Variants in SF3B3 observed in about 807,000 individuals in gnomAD.
SF3B3 encodes splicing factor 3b subunit 3.
Under a neutral mutation model 139.2 loss-of-function variants are expected in SF3B3, and 33 were observed. The ratio of observed to expected loss-of-function variants is 0.24; its 90% CI spans 0.18 to 0.32. SF3B3 has a LOEUF of 0.32. SF3B3 is among the 10% of genes least tolerant of loss of function. The pLI is 1.00. For missense variants in SF3B3, 818 were observed against 1,509.4 expected, an observed-to-expected ratio of 0.54 and a Z score of 7.59; for synonymous variants, 596 against 563.6, an observed-to-expected ratio of 1.06 and a Z score of -0.81.
chr16:70,556,112 G>GATCCA, intron 13 of SF3B3, 67 bp from the exon 14 acceptor site: 1 of 1,517,210 alleles, frequency 6.6e-7, no homozygotes, highest in Non-Finnish European at 9.1e-7. Context: ...CAGGGTTTTG[G>GATCCA]GGTGAATTGG....
rs746030641 is a variant in SF3B3 at position 70,555,110 on chromosome 16, C to T, written c.1614C>T (p.Thr538=). The T allele has an allele frequency of 6.2e-7, 1 of 1,613,982 alleles. No individual in the cohort carries two copies. Residue 538 remains threonine (T), a synonymous_variant, in exon 13 of 26, where the codon ACC becomes ACT. Coordinates refer to ENST00000302516, the MANE Select transcript of SF3B3 (RefSeq NM_012426.5). ...ACAAGAGAGTCAATGAGTGGAAGAC[C>T]CCTGGAAAGAAAACAATTGTGAAGT... is the stretch of plus-strand genomic sequence containing the variant. ...RADKRVNEWK[T]PGKKTIVKCA...
chr16:70,537,178 A>G (rs2050176882), intron 6 of SF3B3, among the ~76,000 whole-genome samples: 1 of 152,216 alleles, frequency 6.6e-6, no homozygotes, highest in Admixed American at 6.5e-5. Context: ...TATTTCTGAT[A>G]TAATTACTAC....
intron 11 of SF3B3, among the ~76,000 whole-genome samples, chr16:70,552,955 G>T (rs1008708565): frequency 1.3e-5 from 2 of 152,194 alleles, no homozygotes; most frequent in Non-Finnish European, 1.5e-5. Flanking sequence ...CTGTCACCCA[G>T]ATTGGAGTGC....
chr16:70,526,457 C>T (rs1309117934), intron 1 of SF3B3, 130 bp from the exon 2 acceptor site: 5 of 527,892 alleles, frequency 9.5e-6, no homozygotes, highest in African/African-American at 5.9e-5. Flanking sequence ...CCACCACGCC[C>T]GGTCACATAT....
chr16:70,528,898 T>C lies in SF3B3; in HGVS notation c.96T>C (p.Val32=), dbSNP rs768308279. ...GAACCAAACAACAAGAAATTGTTGTTTCCCGTGGGAAGATCTTGGAGCTGC... is the reference window on the plus strand; with the variant it reads ...GAACCAAACAACAAGAAATTGTTGTCTCCCGTGGGAAGATCTTGGAGCTGC... ...FSGTKQQEIV[V]SRGKILELLR... Residue 32 remains valine (V), a synonymous_variant, in exon 3 of 26, where the codon GTT becomes GTC. Transcript: ENST00000302516. 1 of 1,610,204 alleles carries C rather than the reference T, an allele frequency of 6.2e-7. No homozygotes were observed. Among genetic ancestry groups the C allele is most frequent in the South Asian group, 1.1e-5 (1 of 90,920 alleles).
At chr16:70,548,338 C>A in intron 10 of SF3B3, 32 bp from the exon 11 acceptor site, 1 of 1,594,980 alleles carries the variant, frequency 6.3e-7, no homozygotes, top group Non-Finnish European at 8.6e-7. Flanking sequence ...TGCATGCTCA[C>A]TGGATCTGTG....
intron 17 of SF3B3, 87 bp downstream of exon 17, chr16:70,561,871 TG>T (rs1347192772): frequency 2.5e-6 from 3 of 1,195,454 alleles, no homozygotes; most frequent in Non-Finnish European, 3.6e-6. Flanking sequence ...GAGGAGGCTG[TG>T]AAGAGGTGGC....
At position 70,567,543 on chromosome 16, in the gene SF3B3, GT is replaced by G. The variant is rs770673785; in HGVS notation, c.2952+8del. ...CCGAAAATGTGAGAATAAGGTAAGT[GT>G]GCTGGCATTGGTGCTGAGATCTAGC... On this transcript the variant is annotated splice_region_variant and intron_variant, in intron 21 of 25. Coordinates refer to ENST00000302516, the MANE Select transcript of SF3B3 (RefSeq NM_012426.5). 2 of 1,612,540 alleles carry G rather than the reference GT, an allele frequency of 1.2e-6. No homozygotes were observed. The highest frequency in any genetic ancestry group is 2.7e-5 in the African/African-American group (2 of 74,896).
rs151086841 is a variant in SF3B3 at position 70,532,468 on chromosome 16, A to G, written c.571-11A>G. The stretch of plus-strand genomic sequence containing the variant: ...GCTGATGATTAGTTTTTATGCCACT[A>G]TTCTCTGTAGGAAGCAGACAATGAT... On this transcript the variant is annotated splice_polypyrimidine_tract_variant and intron_variant, in intron 4 of 25. Coordinates refer to ENST00000302516, the MANE Select transcript of SF3B3 (RefSeq NM_012426.5). 0.019 allele frequency: 30,676 copies of G among 1,613,038 alleles called. 381 individuals are homozygous for G. Among genetic ancestry groups the G allele is most frequent in the Non-Finnish European group, 0.023 (27,367 of 1,179,422 alleles).
intron 22 of SF3B3, 44 bp from the exon 23 acceptor site, chr16:70,568,999 C>G: frequency 3.6e-6 from 5 of 1,407,578 alleles, no homozygotes; most frequent in Non-Finnish European, 4.9e-6. Flanking sequence ...CTCAGGTGAG[C>G]AGGTCCGGGC....
intron 5 of SF3B3, among the ~76,000 whole-genome samples, chr16:70,533,072 A>G (rs2050136071): frequency 6.6e-6 from 1 of 152,258 alleles, no homozygotes; most frequent in Admixed American, 6.5e-5. Flanking sequence ...TAAGAACTTC[A>G]ATAGACCAGC....
Position 70,565,138 on chromosome 16 carries a change from A to C in SF3B3, c.2537A>C (p.Asn846Thr). The stretch of plus-strand genomic sequence containing the variant: ...ATGGCAGCAGCATTCCTCAATGAAA[A>C]CCTCCCTGAATCCATCTTTGGAGCT... The part of the protein sequence containing the change: ...AEMAAAFLNE[N>T]LPESIFGAPK... The change falls in exon 19 of 26, where the codon AAC becomes ACC. Residue 846 changes from asparagine to threonine, a missense_variant. Coordinates refer to ENST00000302516, the MANE Select transcript of SF3B3 (RefSeq NM_012426.5). 6.2e-7 allele frequency: 1 copy of C among 1,612,792 alleles called. No individual in the cohort carries two copies. Among genetic ancestry groups the C allele is most frequent in the South Asian group, 1.1e-5 (1 of 91,006 alleles).
chr16:70,567,329 A>C lies in SF3B3; in HGVS notation c.2827-82A>C. 7.0e-6 allele frequency: 10 copies of C among 1,438,188 alleles called. No individual in the cohort carries two copies. The South Asian group carries it at 1.3e-4, about 19-fold the overall frequency. 89.1% of individuals were successfully genotyped at this position (1,438,188 alleles called of 1,614,324 possible). A position where few individuals can be genotyped will look rare whatever the true frequency, so the allele number is the denominator to read the frequency against. ...TTTCTTAATGATAGGCTCCTGTGGA[A>C]GTAGGCATTTCTGGGCAGAGAGGTG... On this transcript the variant is annotated intron_variant, in intron 20 of 25. Coordinates refer to ENST00000302516, the MANE Select transcript of SF3B3 (RefSeq NM_012426.5).
intron 21 of SF3B3, 53 bp from the exon 22 acceptor site, chr16:70,568,230 G>T (rs1276288701): frequency 7.1e-7 from 1 of 1,412,478 alleles, no homozygotes; most frequent in Non-Finnish European, 1.0e-6. Flanking sequence ...CTTTCTTTGG[G>T]TTCTGAACCC....
rs957160642 is a variant in SF3B3, at chr16:70,576,681, C to G, written c.*4868C>G. The G allele has an allele frequency of 1.3e-5, 2 of 152,188 alleles. No homozygotes were observed. The highest frequency in any genetic ancestry group is 2.9e-5 in the Non-Finnish European group (2 of 68,048). 9.4% of individuals were successfully genotyped at this position (152,188 alleles called of 1,614,324 possible). Reference sequence around the variant, plus strand: ...ATGATGTAACTGGAGAAAGGCAATGCTGCCCTCATAAAGCAATCAGAAACG... The same window carrying G: ...ATGATGTAACTGGAGAAAGGCAATGGTGCCCTCATAAAGCAATCAGAAACG... On this transcript the variant is annotated 3_prime_UTR_variant, in exon 26 of 26. Coordinates refer to ENST00000302516, the MANE Select transcript of SF3B3 (RefSeq NM_012426.5).
At chr16:70,537,566 A>G (rs1366191823) in intron 6 of SF3B3, among the ~76,000 whole-genome samples, 1 of 152,192 alleles carries the variant, frequency 6.6e-6, no homozygotes, top group Non-Finnish European at 1.5e-5. Flanking sequence ...ATTTAATGTA[A>G]TATGTAGTAC....
In SF3B3 at chr16:70,546,176, G is replaced by A. The variant is rs115465386; in HGVS notation, c.1329+1643G>A. Among the ~76,000 whole-genome samples, 645 of 152,172 alleles carry A rather than the reference G, an allele frequency of 4.2e-3. 4 individuals are homozygous for A. Among genetic ancestry groups the A allele is most frequent in the African/African-American group, 0.015 (619 of 41,490 alleles). On this transcript the variant is annotated intron_variant, in intron 10 of 25. Transcript: ENST00000302516. ...GGTAGAGACAGGGTCTTGCTATTTT[G>A]CCAGGGCTGGTCTTGAACTCCTGGG...
At chr16:70,549,534 G>A (rs2050301420) in intron 11 of SF3B3, among the ~76,000 whole-genome samples, 1 of 152,174 alleles carries the variant, frequency 6.6e-6, no homozygotes, top group African/African-American at 2.4e-5. Flanking sequence ...GCCCTTGAAA[G>A]CATTGCCTAG....
In SF3B3 at chr16:70,565,477, A is replaced by G; in HGVS notation, c.2779A>G (p.Thr927Ala). The change falls in exon 20 of 26, where the codon ACT (threonine) becomes GCT (alanine). Residue 927 changes from threonine (T) to alanine (A), a missense_variant. Physicochemically the swap from Thr to Ala is moderately conservative, Grantham distance 58 (BLOSUM62 0). This residue lies in a region of SF3B3 where 145 missense variants were observed against 153.6 expected (regional missense o/e 0.94). Coordinates refer to ENST00000302516, the MANE Select transcript of SF3B3 (RefSeq NM_012426.5). ...PRSVAGGFVYTYKLVNNGEKL... is the reference protein window; with the variant it reads ...PRSVAGGFVYAYKLVNNGEKL... ...ATCTGTGGCAGGGGGCTTCGTCTAT[A>G]CTTACAAGCTTGTGAACAATGGGGA... is the stretch of plus-strand genomic sequence containing the variant. 1 of 1,614,176 alleles carries G rather than the reference A, an allele frequency of 6.2e-7. No individual in the cohort carries two copies. Among genetic ancestry groups the G allele is most frequent in the Non-Finnish European group, 8.5e-7 (1 of 1,180,030 alleles).
Sources: gnomAD v4.1 joint callset for allele counts (sites outside exome capture counted in the v4.1 genomes callset) on GRCh38, gnomAD v4.1.1 for gene constraint, gnomAD v4.1.1 regional missense constraint, MANE v1.5 for transcripts, NCBI Gene and HGNC (gene_info 2026-07-23, HGNC 2026-07-21) for gene names.